SENP1: variants seen among roughly 807,000 people sequenced by gnomAD.
SENP1 encodes sentrin-specific protease 1.
In SENP1, 21 loss-of-function variants were observed where a neutral mutation model predicts 93.0. The observed-to-expected ratio is 0.23, with a 90% CI of 0.16 to 0.33. The LOEUF (loss-of-function observed/expected upper bound fraction) is 0.33, where lower values mean the gene tolerates loss of function less well. Among genes scored for constraint, SENP1 ranks in the 10% least tolerant of loss-of-function variants. The pLI is 1.00. For synonymous variants in SENP1, 256 were observed against 259.6 expected (o/e 0.99, Z 0.13); for missense variants, 591 against 758.7 (o/e 0.78, Z 2.60).
intron 4 of SENP1, among the ~76,000 whole-genome samples, chr12:48,095,642 G>C (rs921069046): frequency 1.3e-5 from 2 of 151,222 alleles, no homozygotes; most frequent in African/African-American, 2.4e-5. Flanking sequence ...GGAGTAAAAA[G>C]ACCTGGGAAG....
At chr12:48,046,583 C>T in intron 16 of SENP1, 132 bp from the exon 17 acceptor site, 1 of 678,276 alleles carries the variant, frequency 1.5e-6, no homozygotes, top group Non-Finnish European at 2.6e-6. Context: ...GCCCCCCAGT[C>T]AGGACAACAG....
At chr12:48,056,317 C>T (rs1453131557) in intron 13 of SENP1, among the ~76,000 whole-genome samples, 4 of 77,566 alleles carry the variant, frequency 5.2e-5, no homozygotes, top group Non-Finnish European at 8.6e-5. Context: ...TATTACATAT[C>T]ACATATATAA....
chr12:48,043,631 G>A lies in SENP1; in HGVS notation c.*1691C>T, dbSNP rs934419078. 7.2e-5 allele frequency: 11 copies of A among 152,452 alleles called. No homozygotes were observed. The highest frequency in any genetic ancestry group is 1.3e-4 in the Admixed American group (2 of 15,246). The allele number at this position is 152,452 out of a possible 1,614,324, so 9.4% of individuals were successfully genotyped here. A position where few individuals can be genotyped will look rare whatever the true frequency, so the allele number is the denominator to read the frequency against. On this transcript the variant is annotated 3_prime_UTR_variant, in exon 18 of 18. Transcript: ENST00000549518. ...AAAGAAAAAGAAAGAAAAATAAAGA[G>A]AGATAGAAAGAGAAAGGGAAAGAAA...
chr12:48,051,840 A>C (rs571567160), intron 13 of SENP1, among the ~76,000 whole-genome samples: 6 of 142,140 alleles, frequency 4.2e-5, no homozygotes, highest in African/African-American at 1.5e-4. Context: ...TTCCCTTTGA[A>C]ATGAGCTAAA....
intron 13 of SENP1, among the ~76,000 whole-genome samples, chr12:48,061,497 T>A (rs1038371348): frequency 2.0e-5 from 3 of 152,146 alleles, no homozygotes; most frequent in African/African-American, 7.2e-5. Context: ...AAACTCAAAC[T>A]CCTAAACTCA....
intron 1 of SENP1, 131 bp from the exon 2 acceptor site, chr12:48,101,647 G>A: frequency 1.8e-6 from 1 of 564,034 alleles, no homozygotes. Context: ...GTGGTAAAGA[G>A]TTGACTTGAT....
chr12:48,063,142 T>C (rs1250546371), intron 13 of SENP1, among the ~76,000 whole-genome samples: 2 of 152,156 alleles, frequency 1.3e-5, no homozygotes, highest in African/African-American at 4.8e-5. Context: ...TAAAATAAAT[T>C]GGAGTTAGGA....
At chr12:48,061,580 A>T (rs945853506) in intron 13 of SENP1, among the ~76,000 whole-genome samples, 20 of 151,922 alleles carry the variant, frequency 1.3e-4, no homozygotes, top group Non-Finnish European at 2.4e-4. Context: ...GCTAATTTTT[A>T]ATTTTTTTGT....
At chr12:48,071,278 A>G (rs72644843) in intron 9 of SENP1, among the ~76,000 whole-genome samples, 34,508 of 152,086 alleles carry the variant, frequency 0.23, 4,574 homozygotes, top group East Asian at 0.55. Flanking sequence ...TGTAACTTTT[A>G]GTGAAAAAGC....
intron 13 of SENP1, among the ~76,000 whole-genome samples, chr12:48,056,799 TATATTAC>T (rs1323608281): frequency 5.6e-5 from 4 of 71,656 alleles, no homozygotes; most frequent in Admixed American, 4.4e-4. Flanking sequence ...TATTATTTAA[TATATTAC>T]ATATTACATA....
chr12:48,062,306 C>T (rs1411534149), intron 13 of SENP1, among the ~76,000 whole-genome samples: 1 of 152,248 alleles, frequency 6.6e-6, no homozygotes, highest in Admixed American at 6.5e-5. Flanking sequence ...ATACTTATAA[C>T]TATCCTTGAT....
intron 13 of SENP1, among the ~76,000 whole-genome samples, chr12:48,052,970 A>G (rs889752431): frequency 6.6e-6 from 1 of 152,164 alleles, no homozygotes; most frequent in Non-Finnish European, 1.5e-5. Flanking sequence ...CATTTTGCCT[A>G]GTTTTTTTCC....
rs372920723 is a variant in SENP1 at position 48,046,357 on chromosome 12, T to C, written c.1871A>G (p.Gln624Arg). The C allele has an allele frequency of 1.2e-6, 2 of 1,607,964 alleles. No homozygotes were observed. The highest frequency in any genetic ancestry group is 8.5e-7 in the Non-Finnish European group (1 of 1,174,550). ...ITKDRPINFT[Q>R]QHMPYFRKRM... ...CTCCCTATGGAAGGCTCAGCTCACCTGTGTGAAGTTGATTGGTCTGTCTTT... is the reference window on the plus strand; with the variant it reads ...CTCCCTATGGAAGGCTCAGCTCACCCGTGTGAAGTTGATTGGTCTGTCTTT... Residue 624 changes from glutamine to arginine, a missense_variant and splice_region_variant, in exon 17 of 18, where the codon CAG becomes CGG. Gln to Arg is a conservative substitution (Grantham distance 43). Transcript: ENST00000549518.
intron 6 of SENP1, among the ~76,000 whole-genome samples, chr12:48,075,216 AAAAAC>A (rs58188197): frequency 1.8e-3 from 270 of 150,440 alleles, no homozygotes; most frequent in Middle Eastern, 3.4e-3. Context: ...CTCTGTCTCA[AAAAAC>A]AAAACAAAAC....
intron 9 of SENP1, among the ~76,000 whole-genome samples, chr12:48,070,683 A>G (rs1031727157): frequency 1.3e-5 from 2 of 152,222 alleles, no homozygotes; most frequent in South Asian, 4.1e-4. Context: ...GCTTAATTCA[A>G]TGTCTGATAA....
At chr12:48,096,320 T>C in intron 4 of SENP1, 23 bp downstream of exon 4, 2 of 1,420,596 alleles carry the variant, frequency 1.4e-6, no homozygotes, top group Non-Finnish European at 2.0e-6. Flanking sequence ...TAAAGTCCCT[T>C]GACTCCAAGT....
At chr12:48,099,877 G>C (rs1945804433) in intron 2 of SENP1, among the ~76,000 whole-genome samples, 1 of 152,066 alleles carries the variant, frequency 6.6e-6, no homozygotes, top group African/African-American at 2.4e-5. Context: ...CTCTTAACAG[G>C]TATCAGCTCA....
chr12:48,098,557 T>G (rs146160717), intron 2 of SENP1, among the ~76,000 whole-genome samples: 3,807 of 150,886 alleles, frequency 0.025, 165 homozygotes, highest in African/African-American at 0.085. Flanking sequence ...GCAGGAGAAT[T>G]GCTTGACCCT....
chr12:48,056,192 T>C (rs1942295519), intron 13 of SENP1, among the ~76,000 whole-genome samples: 1 of 68,630 alleles, frequency 1.5e-5, no homozygotes, highest in African/African-American at 6.2e-5. Flanking sequence ...TTATTTAATA[T>C]ATAGTATATA....
Sources: allele counts gnomAD v4.1 joint callset (sites outside exome capture counted in the v4.1 genomes callset), GRCh38; gene constraint gnomAD v4.1.1; transcripts MANE v1.5; gene names NCBI Gene and HGNC (gene_info 2026-07-23, HGNC 2026-07-21).